GSTA5: variants seen among roughly 807,000 people sequenced by gnomAD.
GSTA5 encodes glutathione S-transferase alpha 5.
A neutral mutation model predicts 21.8 loss-of-function variants in GSTA5; 25 were observed. The ratio of observed to expected loss-of-function variants is 1.14; its 90% confidence interval spans 0.83 to 1.60. GSTA5 has a LOEUF of 1.60. GSTA5 is among the 40% of genes most tolerant of loss of function. The probability of loss-of-function intolerance (pLI) is 0.00; values close to 1 mark genes in which losing one functional copy is unlikely to be tolerated. For missense variants in GSTA5, 330 were observed against 259.2 expected (o/e 1.27, Z -1.88); for synonymous variants, 102 against 89.5 (o/e 1.14, Z -0.78).
upstream of GSTA5, among the ~76,000 whole-genome samples, chr6:52,844,452 G>C (rs889467673): frequency 6.6e-6 from 1 of 152,152 alleles, no homozygotes; most frequent in African/African-American, 2.4e-5. Context: ...TCCAGAGTGA[G>C]TTGAAGACTA....
chr6:52,843,992 A>C (rs1240448394), upstream of GSTA5, among the ~76,000 whole-genome samples: 2 of 148,332 alleles, frequency 1.3e-5, no homozygotes, highest in Middle Eastern at 3.2e-3. Context: ...TTCAGTCAAC[A>C]CAAAATGAGA....
intron 2 of GSTA5, among the ~76,000 whole-genome samples, chr6:52,837,351 A>G (rs1764307485): frequency 6.6e-6 from 1 of 152,134 alleles, no homozygotes; most frequent in African/African-American, 2.4e-5. Context: ...TCCTCTAACA[A>G]ATACTCTGAG....
At chr6:52,840,609 G>A (rs1764358890) in intron 1 of GSTA5, 118 bp downstream of exon 1, 3 of 940,428 alleles carry the variant, frequency 3.2e-6, no homozygotes, top group Non-Finnish European at 5.0e-6. Context: ...CTTAATTACA[G>A]TCCATTTTTA....
chr6:52,831,925 G>C, exon 6 of GSTA5: 1 of 1,614,048 alleles, frequency 6.2e-7, no homozygotes, highest in Non-Finnish European at 8.5e-7. Context: ...CCAGGCTGCA[G>C]AAACTTCTTC....
At chr6:52,836,411 A>C in intron 2 of GSTA5, 43 bp from the exon 3 acceptor site, 1 of 1,593,002 alleles carries the variant, frequency 6.3e-7, no homozygotes, top group Non-Finnish European at 8.6e-7. Flanking sequence ...TGTCTATGAA[A>C]CCCACCCTTT....
intron 1 of GSTA5, 122 bp from the exon 2 acceptor site, chr6:52,837,731 T>C (rs4715351): frequency 0.99 from 665,688 of 669,274 alleles, 331,136 homozygotes; most frequent in East Asian, 1. Flanking sequence ...TCGCAGGATA[T>C]ACAGAGGGGG....
chr6:52,839,554 T>C (rs1764343306), intron 1 of GSTA5, among the ~76,000 whole-genome samples: 1 of 152,120 alleles, frequency 6.6e-6, no homozygotes, highest in African/African-American at 2.4e-5. Flanking sequence ...GAGGCTCAGG[T>C]CCACACGGCG....
chr6:52,840,902 G>A (rs1444381197), upstream of GSTA5: 4 of 1,193,606 alleles, frequency 3.4e-6, no homozygotes, highest in Non-Finnish European at 4.8e-6. Context: ...TAGGATGTGT[G>A]GTTGAAAACC....
At chr6:52,844,921 T>C (rs1471739014), upstream of GSTA5, among the ~76,000 whole-genome samples, 1 of 152,174 alleles carries the variant, frequency 6.6e-6, no homozygotes, top group Non-Finnish European at 1.5e-5. Flanking sequence ...TTTATAATCC[T>C]TATCTGTCTA....
chr6:52,832,620 C>T (rs192957595), intron 5 of GSTA5, among the ~76,000 whole-genome samples: 2 of 152,278 alleles, frequency 1.3e-5, no homozygotes, highest in African/African-American at 4.8e-5. Context: ...GCACTGGGTC[C>T]TTTCCATGAT....
chr6:52,840,686 A>G (rs1273413539), intron 1 of GSTA5, 41 bp downstream of exon 1: 1 of 1,565,304 alleles, frequency 6.4e-7, no homozygotes, highest in South Asian at 1.1e-5. Flanking sequence ...GTGATAACGC[A>G]ATTTTAAATC....
chr6:52,844,047 C>T (rs1764420930), upstream of GSTA5, among the ~76,000 whole-genome samples: 1 of 152,128 alleles, frequency 6.6e-6, no homozygotes, highest in African/African-American at 2.4e-5. Flanking sequence ...ACACATGCTC[C>T]TCATTCATGG....
exon 2 of GSTA5, chr6:52,837,585 C>T: frequency 6.2e-7 from 1 of 1,608,708 alleles, no homozygotes; most frequent in Non-Finnish European, 8.5e-7. Flanking sequence ...AAATCTTCTG[C>T]AGATTCTAGA....
In GSTA5 at chr6:52,831,932, C is replaced by A. The variant is rs1764221650; in HGVS notation, c.585G>T (p.Lys195Asn). 3 of 1,614,002 alleles carry A rather than the reference C, an allele frequency of 1.9e-6. 1 individual carries two copies. In the Admixed American group the frequency reaches 5.0e-5, roughly 27 times the overall value. The stretch of plus-strand genomic sequence containing the variant: ...TCTGGCTGCCAGGCTGCAGAAACTT[C>A]TTCACCGTGGGCAGGTTGCTGATTC... Residue 195 changes from lysine (K) to asparagine (N), a missense_variant, in exon 6 of 6, where the codon AAG becomes AAT. Lys to Asn is a moderately conservative substitution (Grantham distance 94). Coordinates refer to ENST00000370989, the Ensembl canonical transcript of GSTA5.
chr6:52,837,619 GA>G lies in GSTA5; in HGVS notation c.88-11del, dbSNP rs777344194. ...GAAATTTCTCTTCCAACTGGAAGCA[GA>G]AACAGTAAATGGGTTCTTCTTAGTT... On this transcript the variant is annotated splice_polypyrimidine_tract_variant and intron_variant, in intron 1 of 5. Coordinates refer to ENST00000370989, the Ensembl canonical transcript of GSTA5. 2 of 1,598,638 alleles carry G rather than the reference GA, an allele frequency of 1.3e-6. No homozygotes were observed. Among genetic ancestry groups the G allele is most frequent in the Non-Finnish European group, 1.7e-6 (2 of 1,166,530 alleles).
At chr6:52,845,364 G>C (rs564261274), upstream of GSTA5, among the ~76,000 whole-genome samples, 11 of 152,296 alleles carry the variant, frequency 7.2e-5, no homozygotes, top group Admixed American at 2.6e-4. Flanking sequence ...ACATCTGCGG[G>C]GAGGGAGAGG....
At chr6:52,834,342 TA>T in intron 3 of GSTA5, 60 bp from the exon 4 acceptor site, 1 of 1,530,066 alleles carries the variant, frequency 6.5e-7, no homozygotes, top group Non-Finnish European at 8.8e-7. Context: ...TATAGGTTTA[TA>T]AAAACCTAAG....
chr6:52,844,330 G>T (rs564496295), upstream of GSTA5, among the ~76,000 whole-genome samples: 13 of 152,262 alleles, frequency 8.5e-5, no homozygotes, highest in African/African-American at 3.1e-4. Flanking sequence ...GAAGGAGAGG[G>T]TGAGAGGGGA....
At position 52,832,928 on chromosome 6, in the gene GSTA5, G is replaced by C. The variant is rs1764237425; in HGVS notation, c.477C>G (p.His159Gln). The C allele has an allele frequency of 1.9e-6, 3 of 1,614,108 alleles. No homozygotes were observed. The highest frequency in any genetic ancestry group is 2.7e-5 in the African/African-American group (2 of 75,034). ...CCACGTAGTAGAAAAGTTCCACCAGGTGAATGTCAGCCCAGCTCAGCTTGT... is the reference window on the plus strand; with the variant it reads ...CCACGTAGTAGAAAAGTTCCACCAGCTGAATGTCAGCCCAGCTCAGCTTGT... Residue 159 changes from histidine (H) to glutamine (Q), a missense_variant, in exon 5 of 6, where the codon CAC becomes CAG. By Grantham distance (24) the His-to-Gln change is conservative (BLOSUM62 0). Coordinates refer to ENST00000370989, the Ensembl canonical transcript of GSTA5.
Sources: allele counts gnomAD v4.1 joint callset (sites outside exome capture counted in the v4.1 genomes callset), GRCh38; gene constraint gnomAD v4.1.1; transcripts MANE v1.5; gene names NCBI Gene and HGNC (gene_info 2026-07-23, HGNC 2026-07-21).